Variants in KIAA1958 observed in about 807,000 individuals in gnomAD.
KIAA1958 encodes the protein KIAA1958, also known as uncharacterized protein KIAA1958.
A neutral mutation model predicts 47.2 loss-of-function variants in KIAA1958; 14 were observed. The ratio of observed to expected loss-of-function variants is 0.30; its 90% CI spans 0.20 to 0.46. The LOEUF is 0.46. Among genes scored for constraint, KIAA1958 ranks in the 20% least tolerant of loss-of-function variants. The pLI is 1.00. For synonymous variants in KIAA1958, 354 were observed against 353.3 expected (o/e 1.00, Z -0.02); for missense variants, 803 against 909.2 (o/e 0.88, Z 1.50).
At chr9:112,652,079 T>A (rs1368516699) in intron 3 of KIAA1958, among the ~76,000 whole-genome samples, 1 of 152,116 alleles carries the variant, frequency 6.6e-6, no homozygotes, top group Admixed American at 6.5e-5. Flanking sequence ...TTACCCAGGC[T>A]GATTTCAAAC....
At chr9:112,551,034 TTG>T (rs1835133733) in intron 1 of KIAA1958, among the ~76,000 whole-genome samples, 1 of 151,162 alleles carries the variant, frequency 6.6e-6, no homozygotes, top group African/African-American at 2.4e-5. Flanking sequence ...TACTGCATAG[TTG>T]TTTTTTTTTT....
At chr9:112,496,139 A>C (rs558602485) in intron 1 of KIAA1958, among the ~76,000 whole-genome samples, 2 of 152,340 alleles carry the variant, frequency 1.3e-5, no homozygotes, top group South Asian at 4.1e-4. Flanking sequence ...TAAGCCACTA[A>C]ATTTTTAGGT....
chr9:112,568,559 A>C (rs1438328486), intron 1 of KIAA1958, among the ~76,000 whole-genome samples: 1 of 152,062 alleles, frequency 6.6e-6, no homozygotes, highest in Non-Finnish European at 1.5e-5. Context: ...AAATGATAAG[A>C]TGAAATACAT....
chr9:112,558,922 G>A (rs1048127733), intron 1 of KIAA1958, among the ~76,000 whole-genome samples: 1 of 152,094 alleles, frequency 6.6e-6, no homozygotes, highest in Non-Finnish European at 1.5e-5. Flanking sequence ...TGGGTACAAA[G>A]TATTATATAA....
chr9:112,486,916 C>T lies in KIAA1958; in HGVS notation c.-227C>T, dbSNP rs1007722527. 6.9e-6 allele frequency: 1 copy of T among 145,564 alleles called. No individual in the cohort carries two copies. The highest frequency in any genetic ancestry group is 1.5e-5 in the Non-Finnish European group (1 of 66,078). 9.0% of individuals were successfully genotyped at this position (145,564 alleles called of 1,614,324 possible). ...GGCGGTCGGCCGAGCCAGGCTGGCG[C>T]CCCCGCCCCCCGCCCCGCTCCTCGG... On this transcript the variant is annotated 5_prime_UTR_variant, in exon 1 of 4. Transcript: ENST00000337530.
chr9:112,625,175 C>G (rs1485615306), intron 2 of KIAA1958, among the ~76,000 whole-genome samples: 2 of 152,170 alleles, frequency 1.3e-5, no homozygotes, highest in Admixed American at 6.5e-5. Flanking sequence ...GGGTCTCGCT[C>G]TGTTGTCCAG....
In KIAA1958 at chr9:112,637,155, A is replaced by G. The variant is rs181995020; in HGVS notation, c.1172-8495A>G. 2.6e-3 allele frequency among the ~76,000 whole-genome samples: 395 copies of G among 152,322 alleles called. 3 individuals are homozygous for G. Among genetic ancestry groups the G allele is most frequent in the Middle Eastern group, 6.8e-3 (2 of 294 alleles). Reference sequence around the variant, plus strand: ...TGTTATTATAATGTTAATTCTGTATATATTTAGAACCCCACAAGACGTCAC... The same window carrying G: ...TGTTATTATAATGTTAATTCTGTATGTATTTAGAACCCCACAAGACGTCAC... On this transcript the variant is annotated intron_variant, in intron 2 of 3. Coordinates refer to ENST00000337530, the MANE Select transcript of KIAA1958 (RefSeq NM_133465.4).
At chr9:112,606,561 T>C (rs1415956250) in intron 2 of KIAA1958, among the ~76,000 whole-genome samples, 2 of 152,348 alleles carry the variant, frequency 1.3e-5, no homozygotes, top group East Asian at 1.9e-4. Context: ...CTAAACTATA[T>C]ACATACTTCA....
chr9:112,625,874 A>T (rs1025502422), intron 2 of KIAA1958, among the ~76,000 whole-genome samples: 8 of 152,176 alleles, frequency 5.3e-5, no homozygotes, highest in Non-Finnish European at 7.3e-5. Context: ...TTTAGTTTTC[A>T]GTTATGGAGG....
At chr9:112,535,461 A>T (rs1369952562) in intron 1 of KIAA1958, among the ~76,000 whole-genome samples, 2 of 149,290 alleles carry the variant, frequency 1.3e-5, no homozygotes, top group South Asian at 2.1e-4. Flanking sequence ...TAAATATACC[A>T]TTTTTTTTTT....
chr9:112,645,610 T>C, intron 2 of KIAA1958, 40 bp from the exon 3 acceptor site: 2 of 1,404,966 alleles, frequency 1.4e-6, no homozygotes, highest in Non-Finnish European at 9.8e-7. Flanking sequence ...AAGAAGGGAA[T>C]GGCAAATTAT....
intron 2 of KIAA1958, among the ~76,000 whole-genome samples, chr9:112,600,963 G>T (rs1278497917): frequency 6.6e-6 from 1 of 152,154 alleles, no homozygotes; most frequent in East Asian, 1.9e-4. Context: ...AGAAACCAAG[G>T]CTTAGTTTAC....
chr9:112,490,501 C>G (rs1833950350), intron 1 of KIAA1958, among the ~76,000 whole-genome samples: 1 of 152,212 alleles, frequency 6.6e-6, no homozygotes, highest in Non-Finnish European at 1.5e-5. Context: ...TGCCTGTGCT[C>G]TGGTCCGTTT....
chr9:112,523,189 T>G (rs1834581405), intron 1 of KIAA1958, among the ~76,000 whole-genome samples: 1 of 152,166 alleles, frequency 6.6e-6, no homozygotes, highest in Non-Finnish European at 1.5e-5. Context: ...GTGGTTCCAT[T>G]AGGATGCTGA....
At chr9:112,502,080 T>C (rs1834151233) in intron 1 of KIAA1958, among the ~76,000 whole-genome samples, 2 of 152,278 alleles carry the variant, frequency 1.3e-5, no homozygotes, top group African/African-American at 4.8e-5. Flanking sequence ...AGTGAAATAA[T>C]ACCCATTTCT....
At chr9:112,499,688 C>CTTTTTT (rs917810043) in intron 1 of KIAA1958, among the ~76,000 whole-genome samples, 3 of 130,504 alleles carry the variant, frequency 2.3e-5, no homozygotes, top group Admixed American at 7.6e-5. Flanking sequence ...ACATTTTTTT[C>CTTTTTT]TTTTTTTTTT....
chr9:112,606,775 AAAG>A (rs1836243721), intron 2 of KIAA1958, among the ~76,000 whole-genome samples: 1 of 152,208 alleles, frequency 6.6e-6, no homozygotes, highest in Admixed American at 6.5e-5. Context: ...TATAGATCAG[AAAG>A]CATTGTGATT....
Position 112,574,671 on chromosome 9 carries a change from T to G in KIAA1958, c.591T>G (p.Asp197Glu). The G allele has an allele frequency of 3.1e-6, 5 of 1,614,160 alleles. No individual in the cohort carries two copies. Among genetic ancestry groups the G allele is most frequent in the Non-Finnish European group, 4.2e-6 (5 of 1,180,020 alleles). ...AGATGGTTGACGAATGCAGCAATGA[T>G]GTCATCATCAAGAAAATCAAACAAG... ...QTQMVDECSN[D>E]VIIKKIKQEI... The change falls in exon 2 of 4, where the codon GAT (aspartate) becomes GAG (glutamate). Residue 197 changes from aspartate (D) to glutamate (E), a missense_variant. By Grantham distance (45) the Asp-to-Glu change is conservative (BLOSUM62 2). This residue lies in a region of KIAA1958 where 761 missense variants were observed against 829.3 expected (regional missense o/e 0.92). Transcript: ENST00000337530.
intron 2 of KIAA1958, among the ~76,000 whole-genome samples, chr9:112,587,163 T>C (rs1451507681): frequency 6.6e-6 from 1 of 152,172 alleles, no homozygotes. Context: ...ATTAATATTC[T>C]TTTTTTGAGA....
Sources: allele counts gnomAD v4.1 joint callset (sites outside exome capture counted in the v4.1 genomes callset), GRCh38; gene constraint gnomAD v4.1.1; regional missense constraint gnomAD v4.1.1; transcripts MANE v1.5; gene names NCBI Gene and HGNC (gene_info 2026-07-23, HGNC 2026-07-21).